The following RPS6KA2 variants were observed in gnomAD, a reference collection of about 807,000 sequenced individuals.
The protein encoded by RPS6KA2 is ribosomal protein S6 kinase A2.
RPS6KA2 carries 42 observed loss-of-function variants against 91.8 expected under a neutral mutation model. That is an observed-to-expected ratio of 0.46 (90% CI 0.36 to 0.59). The LOEUF (loss-of-function observed/expected upper bound fraction) is 0.59. Ranked by LOEUF, RPS6KA2 falls within the 20% of genes least tolerant of loss-of-function variation. The pLI, the probability that RPS6KA2 is intolerant of heterozygous loss-of-function variation, is 0.00. For missense variants in RPS6KA2, 798 were observed against 978.5 expected, an observed-to-expected ratio of 0.82 and a Z score of 2.46; for synonymous variants, 414 against 393.6, an observed-to-expected ratio of 1.05 and a Z score of -0.61.
intron 10 of RPS6KA2, among the ~76,000 whole-genome samples, chr6:166,486,040 A>G (rs1315263378): frequency 1.3e-5 from 2 of 152,180 alleles, no homozygotes; most frequent in Non-Finnish European, 1.5e-5. Flanking sequence ...CAAGGTGCAG[A>G]CAGCTTTAGG....
intron 2 of RPS6KA2, among the ~76,000 whole-genome samples, chr6:166,800,776 A>G (rs999697988): frequency 6.6e-6 from 1 of 152,160 alleles, no homozygotes; most frequent in Admixed American, 6.5e-5. Flanking sequence ...TTTAAACACC[A>G]TTATCCTCAA....
chr6:166,436,327 A>AAC lies in RPS6KA2; in HGVS notation c.1333-3838_1333-3837insGT, dbSNP rs1352693473. 9.9e-5 allele frequency among the ~76,000 whole-genome samples: 15 copies of AAC among 152,166 alleles called. No individual in the cohort carries two copies. In the East Asian group the frequency reaches 2.3e-3, roughly 24 times the overall value. On this transcript the variant is annotated intron_variant, in intron 14 of 20. Coordinates refer to ENST00000265678, the MANE Select transcript of RPS6KA2 (RefSeq NM_021135.6). ...AGTTAAAGCCCCAGAAAAAAAAAAAAAAAAAAACCTCAGATGTCACACCAA... is the reference window on the plus strand; with the variant it reads ...AGTTAAAGCCCCAGAAAAAAAAAAAAACAAAAAAACCTCAGATGTCACACCAA...
chr6:166,614,325 C>T (rs1482365130), intron 1 of RPS6KA2, among the ~76,000 whole-genome samples: 1 of 152,230 alleles, frequency 6.6e-6, no homozygotes, highest in Non-Finnish European at 1.5e-5. Context: ...ATCTAGTGAA[C>T]ACCTCGAGCC....
intron 1 of RPS6KA2, among the ~76,000 whole-genome samples, chr6:166,585,023 G>A (rs1323832231): frequency 2.0e-5 from 3 of 152,214 alleles, no homozygotes; most frequent in South Asian, 2.1e-4. Flanking sequence ...GAGAAAACCC[G>A]AGAGCTTCTT....
At chr6:166,730,673 C>T (rs1429397705) in intron 2 of RPS6KA2, among the ~76,000 whole-genome samples, 1 of 152,014 alleles carries the variant, frequency 6.6e-6, no homozygotes, top group African/African-American at 2.4e-5. Flanking sequence ...AGCTCTAGTC[C>T]AAAAGTGCTT....
At chr6:166,663,214 T>C (rs536361847) in intron 2 of RPS6KA2, among the ~76,000 whole-genome samples, 1 of 152,260 alleles carries the variant, frequency 6.6e-6, no homozygotes, top group Admixed American at 6.5e-5. Context: ...CAAAAACCAA[T>C]AGATAATCTT....
At chr6:166,862,397 T>C (rs2128635637) in exon 1 of RPS6KA2, 2 of 1,381,660 alleles carry the variant, frequency 1.4e-6, no homozygotes, top group Non-Finnish European at 9.4e-7. Context: ...ATATGGCTGC[T>C]CGGGCGCCGT....
At chr6:166,658,915 G>A (rs1788077752) in intron 2 of RPS6KA2, among the ~76,000 whole-genome samples, 1 of 152,192 alleles carries the variant, frequency 6.6e-6, no homozygotes, top group African/African-American at 2.4e-5. Flanking sequence ...TCTGGGCAAA[G>A]GGCAGACATG....
At position 166,639,823 on chromosome 6, in the gene RPS6KA2, G is replaced by A. The variant is rs962314468; in HGVS notation, c.124-101039C>T. ...ACTCCACCCCACAGGCCCTGTTGGG[G>A]TCTCTCCTGGGTTCCTCTAGTTTGC... is the stretch of plus-strand genomic sequence containing the variant. On this transcript the variant is annotated intron_variant, in intron 2 of 21. Transcript: ENST00000503859. This position sits in a 1 kb window ranked among gnomAD's most constrained non-coding sequence, Gnocchi z 4.2. Among the ~76,000 whole-genome samples the A allele has an allele frequency of 6.6e-5, 10 of 151,940 alleles. No individual in the cohort carries two copies. The highest frequency in any genetic ancestry group is 2.4e-4 in the African/African-American group (10 of 41,364).
intron 2 of RPS6KA2, among the ~76,000 whole-genome samples, chr6:166,793,053 G>C (rs1779135283): frequency 6.6e-6 from 1 of 151,966 alleles, no homozygotes; most frequent in Admixed American, 6.6e-5. Flanking sequence ...TAGGAAAAGA[G>C]GAAGTCAAAT....
intron 10 of RPS6KA2, among the ~76,000 whole-genome samples, chr6:166,473,374 TA>T (rs1437652011): frequency 6.6e-6 from 1 of 152,106 alleles, no homozygotes; most frequent in African/African-American, 2.4e-5. Context: ...GTATTTTTTG[TA>T]GAGATGGGGT....
rs1790552679 is a variant in RPS6KA2, at chr6:166,732,353, A to G, written c.123+125847T>C. On this transcript the variant is annotated intron_variant, in intron 2 of 21. Coordinates refer to the RPS6KA2 transcript ENST00000503859. The surrounding 1 kb of genome is among the most constrained non-coding windows in gnomAD (Gnocchi z 4.0). ...AATATCTCAGAAAAGTCCACCATGAAGCCAGTGGCACATGGGGTCTGATTA... is the reference window on the plus strand; with the variant it reads ...AATATCTCAGAAAAGTCCACCATGAGGCCAGTGGCACATGGGGTCTGATTA... Among the ~76,000 whole-genome samples, 1 of 152,184 alleles carries G rather than the reference A, an allele frequency of 6.6e-6. No individual in the cohort carries two copies. The highest frequency in any genetic ancestry group is 2.1e-4 in the South Asian group (1 of 4,828).
chr6:166,679,288 T>TC lies in RPS6KA2; in HGVS notation c.124-140505dup, dbSNP rs1357700159. ...GGCCAAGATGGCAAAACCCCAACTC[T>TC]CTTTAAAAAAAAAAAAAATACAAAA... is the stretch of plus-strand genomic sequence containing the variant. On this transcript the variant is annotated intron_variant, in intron 2 of 21. Transcript: ENST00000503859. Among the ~76,000 whole-genome samples, 4 of 147,594 alleles carry TC rather than the reference T, an allele frequency of 2.7e-5. 1 individual carries two copies. The highest frequency in any genetic ancestry group is 1.5e-5 in the Non-Finnish European group (1 of 66,602).
rs146691831 is a variant in RPS6KA2 at position 166,504,798 on chromosome 6, T to G, written c.460-186A>C. Among the ~76,000 whole-genome samples, 312 of 152,228 alleles carry G rather than the reference T, an allele frequency of 2.0e-3. 1 individual carries two copies. The highest frequency in any genetic ancestry group is 8.7e-3 in the South Asian group (42 of 4,812). On this transcript the variant is annotated intron_variant, in intron 5 of 20. Coordinates refer to ENST00000265678, the MANE Select transcript of RPS6KA2 (RefSeq NM_021135.6). ...TGGAAAAGTGAGTTCCCTCTGCAGT[T>G]CCAAGATCAGTGGATGGAGACGAGG...
At chr6:166,621,190 T>C (rs950422634) in intron 1 of RPS6KA2, among the ~76,000 whole-genome samples, 3 of 152,308 alleles carry the variant, frequency 2.0e-5, no homozygotes, top group Non-Finnish European at 2.9e-5. Context: ...GCATAACATA[T>C]GCAAATGACT....
chr6:166,418,173 T>A lies in RPS6KA2; in HGVS notation c.1938+52A>T. On this transcript the variant is annotated intron_variant, in intron 19 of 20. Coordinates refer to ENST00000265678, the MANE Select transcript of RPS6KA2 (RefSeq NM_021135.6). The surrounding 1 kb of genome is among the most constrained non-coding windows in gnomAD (Gnocchi z 4.9). ...TCCCCTGGCTTCCTCAGAAATCATA[T>A]GGCTATTTCAGAATCTGAATATTTA... 2.5e-6 allele frequency: 3 copies of A among 1,190,402 alleles called. No homozygotes were observed. The highest frequency in any genetic ancestry group is 2.3e-5 in the East Asian group (1 of 42,832). The allele number at this position is 1,190,402 out of a possible 1,614,324, so 73.7% of individuals were successfully genotyped here.
intron 2 of RPS6KA2, among the ~76,000 whole-genome samples, chr6:166,751,934 C>T (rs35727307): frequency 0.046 from 6,963 of 152,054 alleles, 220 homozygotes; most frequent in South Asian, 0.13. Flanking sequence ...GGCCAGACTC[C>T]ATGGAGCACA....
At chr6:166,704,143 T>A (rs1462752688) in intron 2 of RPS6KA2, among the ~76,000 whole-genome samples, 1 of 152,204 alleles carries the variant, frequency 6.6e-6, no homozygotes, top group African/African-American at 2.4e-5. Flanking sequence ...TTAGGACAAG[T>A]TCAACAATAT....
At chr6:166,524,262 G>T (rs1782951335) in intron 3 of RPS6KA2, among the ~76,000 whole-genome samples, 1 of 152,198 alleles carries the variant, frequency 6.6e-6, no homozygotes, top group Non-Finnish European at 1.5e-5. Context: ...AAGTTGACTT[G>T]CAGGGAAAAT....
Sources: allele counts gnomAD v4.1 joint callset (sites outside exome capture counted in the v4.1 genomes callset), GRCh38; gene constraint gnomAD v4.1.1; non-coding constraint Gnocchi (gnomAD v3.1); transcripts MANE v1.5; gene names NCBI Gene and HGNC (gene_info 2026-07-23, HGNC 2026-07-21).